PEBP4: variants seen among roughly 807,000 people sequenced by gnomAD.
The protein encoded by PEBP4 is phosphatidylethanolamine-binding protein 4.
Under a neutral mutation model 23.9 loss-of-function variants are expected in PEBP4, and 22 were observed. That is an observed-to-expected ratio of 0.92 (90% CI 0.66 to 1.31). PEBP4 has a LOEUF of 1.31. Ranked by LOEUF, PEBP4 falls within the 40% of genes most tolerant of loss-of-function variation. PEBP4 has a pLI of 0.00. For synonymous variants in PEBP4, 112 were observed against 99.3 expected, an observed-to-expected ratio of 1.13 and a Z score of -0.76; for missense variants, 324 against 281.7, an observed-to-expected ratio of 1.15 and a Z score of -1.07.
chr8:22,780,305 C>T (rs1204504673), intron 4 of PEBP4, among the ~76,000 whole-genome samples: 1 of 152,024 alleles, frequency 6.6e-6, no homozygotes. Flanking sequence ...ATTATACATT[C>T]CTTTCTCACC....
intron 3 of PEBP4, among the ~76,000 whole-genome samples, chr8:22,848,822 G>A (rs994059830): frequency 2.0e-5 from 3 of 152,242 alleles, no homozygotes; most frequent in African/African-American, 7.2e-5. Flanking sequence ...GCAGACTGCT[G>A]AGGGAGCGGA....
intron 6 of PEBP4, among the ~76,000 whole-genome samples, chr8:22,723,023 C>T (rs796126237): frequency 1.5e-4 from 22 of 151,524 alleles, no homozygotes; most frequent in African/African-American, 4.1e-4. Flanking sequence ...CCTCGTGATC[C>T]GCCCACCTCA....
At chr8:22,733,678 C>T (rs62494337) in intron 4 of PEBP4, among the ~76,000 whole-genome samples, 5,438 of 152,032 alleles carry the variant, frequency 0.036, 142 homozygotes, top group Admixed American at 0.067. Context: ...CGTTACCCAC[C>T]TCTTCCCATT....
intron 4 of PEBP4, among the ~76,000 whole-genome samples, chr8:22,799,862 T>C (rs1373177096): frequency 6.6e-6 from 1 of 152,182 alleles, no homozygotes; most frequent in Non-Finnish European, 1.5e-5. Context: ...GGGTATATAC[T>C]GAAAGGATTA....
intron 3 of PEBP4, among the ~76,000 whole-genome samples, chr8:22,831,696 C>A (rs1425225249): frequency 2.0e-5 from 3 of 152,036 alleles, no homozygotes; most frequent in African/African-American, 7.2e-5. Flanking sequence ...CGTGATGGAC[C>A]CTGCTCAGGG....
At chr8:22,731,621 T>A (rs1362129424) in intron 4 of PEBP4, among the ~76,000 whole-genome samples, 2 of 141,284 alleles carry the variant, frequency 1.4e-5, no homozygotes, top group African/African-American at 6.0e-5. Context: ...ATTGTTTTAT[T>A]TATTTATTTA....
intron 4 of PEBP4, among the ~76,000 whole-genome samples, chr8:22,741,354 G>T (rs1471663026): frequency 6.6e-6 from 1 of 152,204 alleles, no homozygotes; most frequent in African/African-American, 2.4e-5. Flanking sequence ...TGGCCCACCA[G>T]GGCCTGCTGG....
At chr8:22,903,034 C>A (rs529868492) in intron 3 of PEBP4, among the ~76,000 whole-genome samples, 11 of 152,286 alleles carry the variant, frequency 7.2e-5, no homozygotes, top group African/African-American at 2.6e-4. Context: ...GCCTGACGGG[C>A]CTGAAAAGAT....
At chr8:22,796,795 T>TGGGA (rs1195582043) in intron 4 of PEBP4, among the ~76,000 whole-genome samples, 2 of 151,312 alleles carry the variant, frequency 1.3e-5, no homozygotes, top group African/African-American at 4.9e-5. Flanking sequence ...CTCTAATAGG[T>TGGGA]GGGAGGGAGG....
At chr8:22,811,667 T>C (rs541432907) in intron 4 of PEBP4, among the ~76,000 whole-genome samples, 1 of 152,324 alleles carries the variant, frequency 6.6e-6, no homozygotes, top group South Asian at 2.1e-4. Context: ...GGGAGTCTGC[T>C]CTGGTTCAGG....
intron 4 of PEBP4, among the ~76,000 whole-genome samples, chr8:22,760,030 C>T (rs1044824341): frequency 6.6e-6 from 1 of 152,204 alleles, no homozygotes; most frequent in African/African-American, 2.4e-5. Context: ...ACTACCTAGG[C>T]ACAGTTATCA....
At chr8:22,807,766 A>T (rs1173880780) in intron 4 of PEBP4, among the ~76,000 whole-genome samples, 1 of 152,042 alleles carries the variant, frequency 6.6e-6, no homozygotes, top group East Asian at 1.9e-4. Flanking sequence ...CACCCCATCC[A>T]TATATCTGTC....
At chr8:22,763,921 A>G (rs1805559882) in intron 4 of PEBP4, among the ~76,000 whole-genome samples, 1 of 152,160 alleles carries the variant, frequency 6.6e-6, no homozygotes, top group Admixed American at 6.5e-5. Flanking sequence ...GTGTGGAGAG[A>G]GCCATGAAGA....
rs57265758 is a variant in PEBP4 at position 22,860,192 on chromosome 8, G to GTA, written c.259-42459_259-42458dup. Among the ~76,000 whole-genome samples the GTA allele has an allele frequency of 2.0e-4, 14 of 68,366 alleles. 1 individual carries two copies. The highest frequency in any genetic ancestry group is 2.8e-4 in the Non-Finnish European group (7 of 24,714). The allele number at this position is 68,366 out of a possible 152,430, so 44.9% of individuals were successfully genotyped here. On this transcript the variant is annotated intron_variant, in intron 3 of 6. Coordinates refer to ENST00000256404, the MANE Select transcript of PEBP4 (RefSeq NM_144962.3). Reference sequence around the variant, plus strand: ...TGTATATATATATACACATATATATGTATATATATATATACACATATATGT... The same window carrying GTA: ...TGTATATATATATACACATATATATGTATATATATATATATACACATATATGT...
intron 3 of PEBP4, among the ~76,000 whole-genome samples, chr8:22,899,933 T>C (rs1808678311): frequency 6.6e-6 from 1 of 151,998 alleles, no homozygotes; most frequent in African/African-American, 2.4e-5. Flanking sequence ...GCAGTCAAGG[T>C]GAGTGACAAC....
chr8:22,803,741 C>T (rs1806437858), intron 4 of PEBP4, among the ~76,000 whole-genome samples: 1 of 152,114 alleles, frequency 6.6e-6, no homozygotes, highest in Non-Finnish European at 1.5e-5. Context: ...TTGAGACTCC[C>T]CCTTGTCTCC....
Position 22,813,733 on chromosome 8 carries a change from C to T in PEBP4, c.357+3904G>A, listed in dbSNP as rs1041711030. The stretch of plus-strand genomic sequence containing the variant: ...AATGCTCAGTTAGAAATCGCTCTTG[C>T]TCAATGAGAACTTTTCAAAGAGGGA... On this transcript the variant is annotated intron_variant, in intron 4 of 6. Coordinates refer to ENST00000256404, the MANE Select transcript of PEBP4 (RefSeq NM_144962.3). Among the ~76,000 whole-genome samples the T allele has an allele frequency of 2.0e-4, 31 of 152,184 alleles. 1 individual carries two copies. The highest frequency in any genetic ancestry group is 7.0e-4 in the African/African-American group (29 of 41,436).
At chr8:22,906,591 G>T (rs184448717) in intron 3 of PEBP4, among the ~76,000 whole-genome samples, 144 of 152,358 alleles carry the variant, frequency 9.5e-4, no homozygotes, top group Admixed American at 2.1e-3. Context: ...CATGTTGCAA[G>T]GCTGCACTAG....
intron 4 of PEBP4, among the ~76,000 whole-genome samples, chr8:22,812,359 G>C (rs554983055): frequency 6.6e-6 from 1 of 152,284 alleles, no homozygotes; most frequent in African/African-American, 2.4e-5. Flanking sequence ...ACCTCCTCTA[G>C]TTCATCTGAC....
Sources: allele counts gnomAD v4.1 joint callset (sites outside exome capture counted in the v4.1 genomes callset), GRCh38; gene constraint gnomAD v4.1.1; transcripts MANE v1.5; gene names NCBI Gene and HGNC (gene_info 2026-07-23, HGNC 2026-07-21).